The following PEBP4 variants were observed in gnomAD, a reference collection of about 807,000 sequenced individuals.
The protein encoded by PEBP4 is phosphatidylethanolamine-binding protein 4.
A neutral mutation model predicts 23.9 loss-of-function variants in PEBP4; 22 were observed. The ratio of observed to expected loss-of-function variants is 0.92; its 90% CI spans 0.66 to 1.31. The LOEUF is 1.31. Ranked by LOEUF, PEBP4 falls within the 40% of genes most tolerant of loss-of-function variation. The probability of loss-of-function intolerance (pLI) is 0.00; values close to 1 mark genes in which losing one functional copy is unlikely to be tolerated. For missense variants in PEBP4, 324 were observed against 281.7 expected, an observed-to-expected ratio of 1.15 and a Z score of -1.07; for synonymous variants, 112 against 99.3, an observed-to-expected ratio of 1.13 and a Z score of -0.76.
At chr8:22,732,679 T>C (rs944246263) in intron 4 of PEBP4, among the ~76,000 whole-genome samples, 2 of 152,140 alleles carry the variant, frequency 1.3e-5, no homozygotes, top group Admixed American at 1.3e-4. Flanking sequence ...CACATGTGTG[T>C]ATGTGCATGC....
intron 4 of PEBP4, among the ~76,000 whole-genome samples, chr8:22,748,478 C>A (rs1805177321): frequency 6.6e-6 from 1 of 151,648 alleles, no homozygotes. Context: ...GGGGAGAGGG[C>A]ACTGAGGACT....
chr8:22,759,246 C>G (rs968109566), intron 4 of PEBP4, among the ~76,000 whole-genome samples: 1 of 151,796 alleles, frequency 6.6e-6, no homozygotes, highest in South Asian at 2.1e-4. Context: ...CCCGCATAGA[C>G]GGAGGCCCAG....
At chr8:22,751,540 C>T (rs1406327821) in intron 4 of PEBP4, among the ~76,000 whole-genome samples, 1 of 151,578 alleles carries the variant, frequency 6.6e-6, no homozygotes, top group Non-Finnish European at 1.5e-5. Context: ...CAAATCATTG[C>T]TGGGCTGCTG....
intron 3 of PEBP4, among the ~76,000 whole-genome samples, chr8:22,849,100 A>G (rs1222376099): frequency 6.6e-6 from 1 of 152,216 alleles, no homozygotes; most frequent in Non-Finnish European, 1.5e-5. Flanking sequence ...TGAGACCCTA[A>G]AGACTTCAGC....
chr8:22,839,261 A>G (rs1310618054), intron 3 of PEBP4, among the ~76,000 whole-genome samples: 2 of 152,022 alleles, frequency 1.3e-5, no homozygotes, highest in African/African-American at 2.4e-5. Context: ...ATTCAGCCCC[A>G]GTTGAGGTGG....
intron 4 of PEBP4, among the ~76,000 whole-genome samples, chr8:22,749,817 T>TTTTTTTTTTTTTTTTTTTA (rs1805211671): frequency 7.1e-6 from 1 of 140,336 alleles, no homozygotes; most frequent in Non-Finnish European, 1.6e-5. Context: ...TTTTTTTTTT[T>TTTTTTTTTTTTTTTTTTTA]TTTTTTGAGA....
chr8:22,770,676 G>A (rs140413825), intron 4 of PEBP4, among the ~76,000 whole-genome samples: 49 of 152,358 alleles, frequency 3.2e-4, no homozygotes, highest in African/African-American at 1.2e-3. Context: ...GAGGGAAGTT[G>A]TTCCATTTGT....
intron 3 of PEBP4, among the ~76,000 whole-genome samples, chr8:22,890,163 C>G (rs1270914918): frequency 1.3e-5 from 2 of 152,136 alleles, no homozygotes; most frequent in Admixed American, 1.3e-4. Context: ...GACTCAGCAA[C>G]AATTGCGCTC....
At chr8:22,815,605 C>T (rs148090249) in intron 4 of PEBP4, among the ~76,000 whole-genome samples, 1 of 152,310 alleles carries the variant, frequency 6.6e-6, no homozygotes, top group African/African-American at 2.4e-5. Flanking sequence ...TGAACACTCA[C>T]GAGGGAAGCA....
intron 4 of PEBP4, among the ~76,000 whole-genome samples, chr8:22,786,625 A>C (rs1450414491): frequency 6.6e-6 from 1 of 152,140 alleles, no homozygotes. Context: ...GCTTTAAAAA[A>C]AAGTTGCTAG....
At chr8:22,820,222 G>A (rs1806829997) in intron 3 of PEBP4, among the ~76,000 whole-genome samples, 2 of 152,150 alleles carry the variant, frequency 1.3e-5, no homozygotes. Context: ...TGGGGACAGA[G>A]AAAAAGGTGT....
intron 3 of PEBP4, among the ~76,000 whole-genome samples, chr8:22,846,468 G>C (rs933155904): frequency 3.3e-5 from 5 of 152,138 alleles, no homozygotes; most frequent in Non-Finnish European, 5.9e-5. Flanking sequence ...CTGAGAAATC[G>C]CATCAGGTTC....
intron 4 of PEBP4, among the ~76,000 whole-genome samples, chr8:22,733,330 C>T (rs367590575): frequency 6.6e-6 from 1 of 152,302 alleles, no homozygotes; most frequent in South Asian, 2.1e-4. Context: ...TACTTAACAA[C>T]CTCTATCCTT....
chr8:22,791,160 C>G (rs1457009375), intron 4 of PEBP4, among the ~76,000 whole-genome samples: 2 of 152,136 alleles, frequency 1.3e-5, no homozygotes, highest in South Asian at 4.1e-4. Context: ...ACAGAAAGAA[C>G]TGGATTCCAC....
chr8:22,903,642 C>T (rs1274114527), intron 3 of PEBP4, among the ~76,000 whole-genome samples: 1 of 152,242 alleles, frequency 6.6e-6, no homozygotes, highest in African/African-American at 2.4e-5. Context: ...GCCCGGGCTC[C>T]TGCTCAAAGG....
chr8:22,891,176 C>T (rs1808484269), intron 3 of PEBP4, among the ~76,000 whole-genome samples: 1 of 152,310 alleles, frequency 6.6e-6, no homozygotes, highest in African/African-American at 2.4e-5. Context: ...ATGACCTTGA[C>T]ACAATACCAG....
At chr8:22,829,405 T>TCTCCAAC (rs1282726166) in intron 3 of PEBP4, among the ~76,000 whole-genome samples, 1 of 152,284 alleles carries the variant, frequency 6.6e-6, no homozygotes, top group African/African-American at 2.4e-5. Context: ...TATCCTTAAA[T>TCTCCAAC]CTCCAACCTC....
chr8:22,830,420 T>C (rs562909922), intron 3 of PEBP4, among the ~76,000 whole-genome samples: 2 of 152,212 alleles, frequency 1.3e-5, no homozygotes, highest in East Asian at 3.9e-4. Flanking sequence ...AGTGCTGGGA[T>C]TACAGGCATG....
intron 3 of PEBP4, among the ~76,000 whole-genome samples, chr8:22,899,874 G>A (rs1808677081): frequency 6.6e-6 from 1 of 152,126 alleles, no homozygotes; most frequent in Non-Finnish European, 1.5e-5. Context: ...ATTTGCCCAT[G>A]TTATGCATGA....
Sources: allele counts gnomAD v4.1 joint callset (sites outside exome capture counted in the v4.1 genomes callset), GRCh38; gene constraint gnomAD v4.1.1; transcripts MANE v1.5; gene names NCBI Gene and HGNC (gene_info 2026-07-23, HGNC 2026-07-21).